The following KIF5A variants were observed in gnomAD, a reference collection of about 807,000 sequenced individuals.
KIF5A encodes kinesin family member 5A.
Under a neutral mutation model 141.3 loss-of-function variants are expected in KIF5A, and 35 were observed. The observed-to-expected ratio is 0.25, with a 90% CI of 0.19 to 0.33. KIF5A has a LOEUF of 0.33. Among genes scored for constraint, KIF5A ranks in the 10% least tolerant of loss-of-function variants. The pLI, the probability that KIF5A is intolerant of heterozygous loss-of-function variation, is 1.00. For synonymous variants in KIF5A, 448 were observed against 500.2 expected, an observed-to-expected ratio of 0.90 and a Z score of 1.39; for missense variants, 861 against 1,314.3, an observed-to-expected ratio of 0.66 and a Z score of 5.33.
rs768004830 is a variant in KIF5A at position 57,569,366 on chromosome 12, T to C, written c.930T>C (p.Asn310=). The change falls in exon 10 of 29, where the codon AAT becomes AAC. Residue 310 remains asparagine (N), a synonymous_variant. Coordinates refer to ENST00000455537, the MANE Select transcript of KIF5A (RefSeq NM_004984.4). ...MFICCSPSSY[N]DAETKSTLMF... Reference sequence around the variant, plus strand: ...TCTGTTGCTCACCATCCAGTTATAATGATGCAGAGACCAAGTCCACCCTGA... The same window carrying C: ...TCTGTTGCTCACCATCCAGTTATAACGATGCAGAGACCAAGTCCACCCTGA... 3 of 1,614,084 alleles carry C rather than the reference T, an allele frequency of 1.9e-6. No homozygotes were observed. Among genetic ancestry groups the C allele is most frequent in the Non-Finnish European group, 2.5e-6 (3 of 1,179,990 alleles).
rs766841501 is a variant in KIF5A, at chr12:57,572,569, G to T, written c.1570-11G>T. On this transcript the variant is annotated splice_polypyrimidine_tract_variant and intron_variant, in intron 14 of 28. Coordinates refer to ENST00000455537, the MANE Select transcript of KIF5A (RefSeq NM_004984.4). The surrounding 1 kb of genome is among the most constrained non-coding windows in gnomAD (Gnocchi z 4.2). The stretch of plus-strand genomic sequence containing the variant: ...GATGGCAACAGGAATGACCTGAGGG[G>T]CTGTCCCCAGGCCACCATGCTGTCC... 1 of 1,614,206 alleles carries T rather than the reference G, an allele frequency of 6.2e-7. No individual in the cohort carries two copies. The highest frequency in any genetic ancestry group is 1.7e-5 in the Admixed American group (1 of 60,032).
At chr12:57,583,693 C>T (rs765397580) in intron 28 of KIF5A, among the ~76,000 whole-genome samples, 1 of 152,212 alleles carries the variant, frequency 6.6e-6, no homozygotes, top group Admixed American at 6.5e-5. Flanking sequence ...GTCCCATCCT[C>T]TTCCCATCTG....
In KIF5A at chr12:57,576,129, C is replaced by A; in HGVS notation, c.2066C>A (p.Thr689Asn). ...EVALKDKEPD[T>N]QDADEVKKAL... ...GCCCTGAAGGACAAGGAGCCTGACACTCAGGATGCAGATGAAGTGAAGGTG... is the reference window on the plus strand; with the variant it reads ...GCCCTGAAGGACAAGGAGCCTGACAATCAGGATGCAGATGAAGTGAAGGTG... Residue 689 changes from threonine to asparagine, a missense_variant, in exon 18 of 29, where the codon ACT becomes AAT. Thr to Asn is a moderately conservative substitution (Grantham distance 65). Transcript: ENST00000455537. 6.2e-7 allele frequency: 1 copy of A among 1,614,200 alleles called. No homozygotes were observed. The highest frequency in any genetic ancestry group is 8.5e-7 in the Non-Finnish European group (1 of 1,180,028).
intron 1 of KIF5A, among the ~76,000 whole-genome samples, chr12:57,554,491 T>C (rs139341209): frequency 5.4e-4 from 82 of 152,350 alleles, no homozygotes; most frequent in Middle Eastern, 6.8e-3. Flanking sequence ...TTACTAATTG[T>C]TTCATGCAAA....
intron 5 of KIF5A, 43 bp from the exon 6 acceptor site, chr12:57,564,875 G>T: frequency 6.3e-7 from 1 of 1,589,278 alleles, no homozygotes; most frequent in Non-Finnish European, 8.6e-7. Flanking sequence ...GATGGGGGCG[G>T]TGGAAGTACT....
rs776986694 is a variant in KIF5A at position 57,569,970 on chromosome 12, G to A, written c.1118-17G>A. On this transcript the variant is annotated splice_polypyrimidine_tract_variant and intron_variant, in intron 11 of 28. Transcript: ENST00000455537. ...TTCTTCTTCTTCCATCTCTCACCTCGTCTTGCCCCTTTGCAGGAGAGAATG... is the reference window on the plus strand; with the variant it reads ...TTCTTCTTCTTCCATCTCTCACCTCATCTTGCCCCTTTGCAGGAGAGAATG... 2.0e-5 allele frequency: 32 copies of A among 1,612,066 alleles called. No homozygotes were observed. Among genetic ancestry groups the A allele is most frequent in the South Asian group, 1.9e-4 (17 of 90,964 alleles).
intron 24 of KIF5A, 79 bp downstream of exon 24, chr12:57,581,251 T>C (rs1882589663): frequency 1.3e-6 from 2 of 1,509,808 alleles, no homozygotes; most frequent in Admixed American, 1.9e-5. Context: ...AGCAACTAGA[T>C]TATTGCTTCT....
chr12:57,581,613 T>C, intron 25 of KIF5A, 45 bp downstream of exon 25: 1 of 1,607,672 alleles, frequency 6.2e-7, no homozygotes, highest in Non-Finnish European at 8.5e-7. Flanking sequence ...CAAAGCTCCC[T>C]GGACCCTAGA....
At chr12:57,576,740 T>C in intron 19 of KIF5A, 21 bp from the exon 20 acceptor site, 1 of 1,574,578 alleles carries the variant, frequency 6.4e-7, no homozygotes, top group Non-Finnish European at 8.7e-7. Flanking sequence ...CCCATCTCCA[T>C]TACCTTCTGA....
intron 11 of KIF5A, 44 bp downstream of exon 11, chr12:57,569,727 G>A (rs778831177): frequency 6.2e-7 from 1 of 1,607,434 alleles, no homozygotes; most frequent in African/African-American, 1.3e-5. Context: ...GGGAAGAGGA[G>A]GAGGATGTTT....
At chr12:57,564,362 C>A in intron 4 of KIF5A, 98 bp from the exon 5 acceptor site, 1 of 1,119,062 alleles carries the variant, frequency 8.9e-7, no homozygotes, top group Non-Finnish European at 1.4e-6. Context: ...TTCTTTTCCT[C>A]CCACCACCGT....
chr12:57,579,906 A>C (rs1882543093), intron 23 of KIF5A, among the ~76,000 whole-genome samples: 1 of 152,234 alleles, frequency 6.6e-6, no homozygotes, highest in Non-Finnish European at 1.5e-5. Flanking sequence ...CCAAAAAAAC[A>C]AAAATGACTC....
chr12:57,573,806 C>G (rs1177186161), intron 15 of KIF5A, among the ~76,000 whole-genome samples: 1 of 109,658 alleles, frequency 9.1e-6, no homozygotes, highest in Non-Finnish European at 1.8e-5. Context: ...CCAGCCTGGG[C>G]AACAAGAGTG....
At position 57,550,051 on chromosome 12, in the gene KIF5A, C is replaced by T; in HGVS notation, c.-221C>T. ...CGCGAGGGGCGGAGAGGCAGAGAGC[C>T]CGAAAGGACCAGACGCCCAGGTCGC... On this transcript the variant is annotated 5_prime_UTR_variant, in exon 1 of 29. Coordinates refer to ENST00000455537, the MANE Select transcript of KIF5A (RefSeq NM_004984.4). This position sits in a 1 kb window ranked among gnomAD's most constrained non-coding sequence, Gnocchi z 4.6. The T allele has an allele frequency of 1.8e-6, 1 of 569,086 alleles. No individual in the cohort carries two copies. The highest frequency in any genetic ancestry group is 2.0e-5 in the South Asian group (1 of 50,800). 35.3% of individuals were successfully genotyped at this position (569,086 alleles called of 1,614,324 possible).
intron 25 of KIF5A, 65 bp from the exon 26 acceptor site, chr12:57,581,805 T>C (rs1882611371): frequency 7.0e-7 from 1 of 1,427,042 alleles, no homozygotes; most frequent in African/African-American, 1.4e-5. Context: ...TGAGTGTGGA[T>C]TAGTGGTCCT....
rs1565702439 is a variant in KIF5A at position 57,576,373 on chromosome 12, C to G, written c.2193C>G (p.Leu731=). ...INEKQKTIDE[L]KDLNQKLQLE... ...AGAAGCAGAAGACCATTGATGAGCT[C>G]AAAGAGTAAGGGTTCCCAAGGGCGA... The change falls in exon 19 of 29, where the codon CTC becomes CTG. Residue 731 remains leucine, a synonymous_variant. Transcript: ENST00000455537. 1.2e-6 allele frequency: 2 copies of G among 1,613,502 alleles called. No individual in the cohort carries two copies. Among genetic ancestry groups the G allele is most frequent in the Non-Finnish European group, 1.7e-6 (2 of 1,179,536 alleles).
chr12:57,552,248 C>G (rs1881599340), intron 1 of KIF5A, among the ~76,000 whole-genome samples: 1 of 152,028 alleles, frequency 6.6e-6, no homozygotes, highest in Admixed American at 6.5e-5. Context: ...CTGGGCCATC[C>G]TAGTATAGTG....
At chr12:57,566,031 T>A (rs1882054404) in intron 6 of KIF5A, among the ~76,000 whole-genome samples, 2 of 151,984 alleles carry the variant, frequency 1.3e-5, no homozygotes, top group Admixed American at 1.3e-4. Context: ...CTCAAGAGTT[T>A]GAGGTTGCAG....
intron 1 of KIF5A, among the ~76,000 whole-genome samples, chr12:57,553,768 G>C (rs890254635): frequency 2.6e-5 from 4 of 152,112 alleles, no homozygotes; most frequent in Admixed American, 2.6e-4. Context: ...CACCAGGGAG[G>C]CTCGGAGTGT....
Sources: gnomAD v4.1 joint callset for allele counts (sites outside exome capture counted in the v4.1 genomes callset) on GRCh38, gnomAD v4.1.1 for gene constraint, Gnocchi (gnomAD v3.1) non-coding constraint, MANE v1.5 for transcripts, NCBI Gene and HGNC (gene_info 2026-07-23, HGNC 2026-07-21) for gene names.